THRB: variants seen among roughly 807,000 people sequenced by gnomAD.
The protein encoded by THRB is nuclear receptor subfamily 1 group A member 2.
A neutral mutation model predicts 47.8 loss-of-function variants in THRB; 12 were observed. The ratio of observed to expected loss-of-function variants is 0.25; its 90% confidence interval spans 0.16 to 0.41. The LOEUF (loss-of-function observed/expected upper bound fraction) is 0.41. Ranked by LOEUF, THRB falls within the 10% of genes least tolerant of loss-of-function variation. The pLI is 1.00. For synonymous variants in THRB, 218 were observed against 212.2 expected (o/e 1.03, Z -0.24); for missense variants, 348 against 589.2 (o/e 0.59, Z 4.24).
chr3:24,166,043 G>C (rs555454484), intron 5 of THRB, among the ~76,000 whole-genome samples: 1 of 152,128 alleles, frequency 6.6e-6, no homozygotes, highest in Non-Finnish European at 1.5e-5. Flanking sequence ...TTTCATACTA[G>C]GATCCAACCA....
chr3:24,346,951 A>G (rs201595490), intron 1 of THRB, among the ~76,000 whole-genome samples: 21 of 148,950 alleles, frequency 1.4e-4, no homozygotes, highest in East Asian at 1.2e-3. Flanking sequence ...ATTACAGCCA[A>G]CAATTACAGA....
At chr3:24,196,906 G>T (rs1033284425) in intron 4 of THRB, among the ~76,000 whole-genome samples, 6 of 152,146 alleles carry the variant, frequency 3.9e-5, no homozygotes, top group Non-Finnish European at 8.8e-5. Flanking sequence ...AACCTTCAAG[G>T]TCTAGTTCAT....
intron 3 of THRB, among the ~76,000 whole-genome samples, chr3:24,257,804 G>A (rs2051460641): frequency 6.6e-6 from 1 of 152,230 alleles, no homozygotes; most frequent in African/African-American, 2.4e-5. Flanking sequence ...TTAGACACAA[G>A]TGGGACAGCC....
chr3:24,206,616 T>C (rs984709403), intron 4 of THRB, among the ~76,000 whole-genome samples: 5 of 152,078 alleles, frequency 3.3e-5, no homozygotes, highest in Non-Finnish European at 5.9e-5. Flanking sequence ...AGCAGACACA[T>C]TGAAAAGCTA....
In THRB at chr3:24,386,145, C is replaced by T. The variant is rs115253821; in HGVS notation, c.-260-48774G>A. 3.1e-3 allele frequency among the ~76,000 whole-genome samples: 475 copies of T among 152,204 alleles called. 1 individual carries two copies. Among genetic ancestry groups the T allele is most frequent in the African/African-American group, 0.011 (454 of 41,548 alleles). ...TCTAGACAGAGCCTCCTGAGGCCCA[C>T]GCCTCCATTTCCACAGTCTGAATCT... is the stretch of plus-strand genomic sequence containing the variant. On this transcript the variant is annotated intron_variant, in intron 1 of 10. Coordinates refer to ENST00000646209, the MANE Select transcript of THRB (RefSeq NM_001354712.2).
intron 9 of THRB, among the ~76,000 whole-genome samples, chr3:24,129,157 A>T (rs753251435): frequency 4.3e-4 from 65 of 152,132 alleles, no homozygotes; most frequent in Admixed American, 1.7e-3. Flanking sequence ...GTCATTGCAT[A>T]TTTGATTCTG....
Position 24,370,565 on chromosome 3 carries a change from A to G in THRB, c.-260-33194T>C, listed in dbSNP as rs544643867. On this transcript the variant is annotated intron_variant, in intron 1 of 10. Coordinates refer to ENST00000646209, the MANE Select transcript of THRB (RefSeq NM_001354712.2). The stretch of plus-strand genomic sequence containing the variant: ...CAAGGAGATAATCATCTATGGAGTG[A>G]CTTCCTGGGAGGATCAATGCTCCAC... Among the ~76,000 whole-genome samples, 5 of 152,138 alleles carry G rather than the reference A, an allele frequency of 3.3e-5. No homozygotes were observed. The East Asian group carries it at 9.8e-4, about 30-fold the overall frequency.
chr3:24,443,827 T>C (rs2071788881), intron 1 of THRB, among the ~76,000 whole-genome samples: 1 of 152,174 alleles, frequency 6.6e-6, no homozygotes, highest in Admixed American at 6.5e-5. Flanking sequence ...ATCTTCATAT[T>C]ACAGAGTAAG....
intron 5 of THRB, among the ~76,000 whole-genome samples, chr3:24,177,969 A>G (rs2041384324): frequency 6.6e-6 from 1 of 152,168 alleles, no homozygotes; most frequent in Non-Finnish European, 1.5e-5. Flanking sequence ...CAGACCGTGG[A>G]CAATGTGCTC....
intron 3 of THRB, among the ~76,000 whole-genome samples, chr3:24,268,088 T>C (rs550075621): frequency 6.6e-6 from 1 of 152,022 alleles, no homozygotes; most frequent in African/African-American, 2.4e-5. Flanking sequence ...GAGACAAATA[T>C]CTACAAAATT....
At chr3:24,274,391 T>C (rs1210905768) in intron 3 of THRB, among the ~76,000 whole-genome samples, 1 of 152,206 alleles carries the variant, frequency 6.6e-6, no homozygotes, top group African/African-American at 2.4e-5. Context: ...AAAATAGTGC[T>C]ATTTTGAAGA....
chr3:24,322,046 G>C (rs2058520448), intron 2 of THRB, among the ~76,000 whole-genome samples: 1 of 152,072 alleles, frequency 6.6e-6, no homozygotes, highest in Non-Finnish European at 1.5e-5. Flanking sequence ...TTAGTGGACA[G>C]TACTGGGTTA....
intron 1 of THRB, among the ~76,000 whole-genome samples, chr3:24,472,386 A>G (rs1694832942): frequency 6.6e-6 from 1 of 152,216 alleles, no homozygotes; most frequent in Admixed American, 6.5e-5. Flanking sequence ...AAACATCTAT[A>G]GGAATCCAGC....
chr3:24,414,304 A>C (rs1370677720), intron 1 of THRB, among the ~76,000 whole-genome samples: 1 of 151,964 alleles, frequency 6.6e-6, no homozygotes, highest in Non-Finnish European at 1.5e-5. Flanking sequence ...CCCAGTGTTA[A>C]GCATGTCAAA....
chr3:24,252,738 AAG>A (rs1375048980), intron 3 of THRB, among the ~76,000 whole-genome samples: 1 of 152,096 alleles, frequency 6.6e-6, no homozygotes, highest in Admixed American at 6.6e-5. Context: ...AAAAAAGAAT[AAG>A]AGAACATTTA....
At chr3:24,124,384 G>C (rs2032313668) in intron 10 of THRB, among the ~76,000 whole-genome samples, 1 of 152,164 alleles carries the variant, frequency 6.6e-6, no homozygotes, top group Admixed American at 6.5e-5. Flanking sequence ...TTCTTTGAGT[G>C]TGCAAGAATT....
chr3:24,342,153 CA>C (rs10574941), intron 1 of THRB, among the ~76,000 whole-genome samples: 45,303 of 138,246 alleles, frequency 0.33, 6,720 homozygotes, highest in East Asian at 0.35. Flanking sequence ...CTGTTGCGCT[CA>C]AAAAAAAAAA....
intron 1 of THRB, among the ~76,000 whole-genome samples, chr3:24,465,910 T>C (rs1166650481): frequency 6.6e-6 from 1 of 152,208 alleles, no homozygotes; most frequent in Non-Finnish European, 1.5e-5. Context: ...TATAAATTTG[T>C]TATGAAGAAC....
intron 1 of THRB, among the ~76,000 whole-genome samples, chr3:24,367,712 G>A (rs1023681824): frequency 6.6e-6 from 1 of 152,130 alleles, no homozygotes; most frequent in African/African-American, 2.4e-5. Flanking sequence ...TGTCAGTTAG[G>A]CTGGATACTC....
Sources: allele counts gnomAD v4.1 joint callset (sites outside exome capture counted in the v4.1 genomes callset), GRCh38; gene constraint gnomAD v4.1.1; transcripts MANE v1.5; gene names NCBI Gene and HGNC (gene_info 2026-07-23, HGNC 2026-07-21).